Variants in CAMK2D observed in about 807,000 individuals in gnomAD.
CAMK2D encodes calcium/calmodulin-dependent protein kinase type II subunit delta.
CAMK2D carries 37 observed loss-of-function variants against 84.0 expected under a neutral mutation model. The observed-to-expected ratio is 0.44, with a 90% confidence interval of 0.34 to 0.58. CAMK2D has a LOEUF of 0.58. CAMK2D is among the 20% of genes least tolerant of loss of function. The pLI is 0.02. For missense variants in CAMK2D, 448 were observed against 652.5 expected (o/e 0.69, Z 3.41); for synonymous variants, 202 against 212.5 (o/e 0.95, Z 0.43).
intron 4 of CAMK2D, among the ~76,000 whole-genome samples, chr4:113,554,427 G>A (rs1409840344): frequency 6.6e-6 from 1 of 152,098 alleles, no homozygotes; most frequent in Non-Finnish European, 1.5e-5. Context: ...CATTCTGGTA[G>A]TTTTCAATAA....
At chr4:113,721,475 T>C (rs2148628570) in intron 2 of CAMK2D, among the ~76,000 whole-genome samples, 1 of 152,306 alleles carries the variant, frequency 6.6e-6, no homozygotes, top group Middle Eastern at 3.4e-3. Flanking sequence ...ATTGTGTCAC[T>C]AATACAATAT....
chr4:113,509,703 G>GTGAGT lies in CAMK2D; in HGVS notation c.947-33_947-29dup, dbSNP rs1590399777. ...GTAAAATGAGAGTAAAATCAGTTTA[G>GTGAGT]TGAGTTATCCATAGAAACCCACAGC... On this transcript the variant is annotated intron_variant, in intron 12 of 20. Coordinates refer to ENST00000511664, the MANE Select transcript of CAMK2D (RefSeq NM_001321571.2). 6 of 1,566,948 alleles carry GTGAGT rather than the reference G, an allele frequency of 3.8e-6. No individual in the cohort carries two copies. The East Asian group carries it at 1.3e-4, about 35-fold the overall frequency.
intron 15 of CAMK2D, among the ~76,000 whole-genome samples, chr4:113,502,703 T>A (rs1037466125): frequency 6.6e-6 from 1 of 152,178 alleles, no homozygotes; most frequent in Non-Finnish European, 1.5e-5. Context: ...CATTCATGTT[T>A]AGCCTGACTT....
chr4:113,537,713 G>A (rs1308191718), intron 6 of CAMK2D, among the ~76,000 whole-genome samples: 1 of 152,160 alleles, frequency 6.6e-6, no homozygotes, highest in African/African-American at 2.4e-5. Context: ...ATGAATGAGA[G>A]CACCTGTCTT....
At chr4:113,570,871 G>T (rs192555322) in intron 4 of CAMK2D, among the ~76,000 whole-genome samples, 1 of 152,148 alleles carries the variant, frequency 6.6e-6, no homozygotes, top group Admixed American at 6.5e-5. Context: ...CCTAGAGAAT[G>T]AGAGAATATA....
At chr4:113,489,805 T>G (rs1159921496) in intron 16 of CAMK2D, among the ~76,000 whole-genome samples, 1 of 121,508 alleles carries the variant, frequency 8.2e-6, no homozygotes, top group Non-Finnish European at 1.7e-5. Flanking sequence ...CAGCACCTGT[T>G]GTTTCCTGAC....
chr4:113,662,766 A>T (rs762298028), intron 2 of CAMK2D, among the ~76,000 whole-genome samples: 24 of 152,216 alleles, frequency 1.6e-4, no homozygotes, highest in Non-Finnish European at 3.1e-4. Context: ...ACACTTCTTT[A>T]AATAAAAGGA....
intron 2 of CAMK2D, among the ~76,000 whole-genome samples, chr4:113,698,795 T>C (rs2099410294): frequency 6.6e-6 from 1 of 152,096 alleles, no homozygotes; most frequent in Non-Finnish European, 1.5e-5. Flanking sequence ...TGATCCAATT[T>C]ACATAAATTA....
At chr4:113,530,973 A>T (rs776886669) in intron 8 of CAMK2D, among the ~76,000 whole-genome samples, 4 of 152,006 alleles carry the variant, frequency 2.6e-5, no homozygotes, top group African/African-American at 4.8e-5. Flanking sequence ...AATCCCAGCA[A>T]CTCAGGAGGC....
intron 2 of CAMK2D, among the ~76,000 whole-genome samples, chr4:113,719,748 T>A (rs1476419271): frequency 6.6e-6 from 1 of 152,276 alleles, no homozygotes; most frequent in East Asian, 1.9e-4. Flanking sequence ...ACCCTAAGTT[T>A]AGTCACATTT....
chr4:113,705,081 C>T (rs1048652201), intron 2 of CAMK2D, among the ~76,000 whole-genome samples: 5 of 151,604 alleles, frequency 3.3e-5, no homozygotes, highest in African/African-American at 1.2e-4. Flanking sequence ...GTGGCTCACG[C>T]CTGTAATCCC....
intron 16 of CAMK2D, among the ~76,000 whole-genome samples, chr4:113,496,316 C>T (rs563026130): frequency 2.6e-5 from 4 of 152,090 alleles, no homozygotes; most frequent in African/African-American, 9.6e-5. Flanking sequence ...CAATTTTTGG[C>T]CTAAAGAATT....
intron 16 of CAMK2D, among the ~76,000 whole-genome samples, chr4:113,499,985 A>C (rs1304954600): frequency 6.6e-6 from 1 of 151,820 alleles, no homozygotes; most frequent in Non-Finnish European, 1.5e-5. Flanking sequence ...AATGTACACA[A>C]AAAGCTAGGA....
rs983520612 is a variant in CAMK2D, at chr4:113,452,562, G to C, written c.*1983C>G. 8 of 152,684 alleles carry C rather than the reference G, an allele frequency of 5.2e-5. No individual in the cohort carries two copies. Among genetic ancestry groups the C allele is most frequent in the Admixed American group, 4.6e-4 (7 of 15,282 alleles). 9.5% of individuals were successfully genotyped at this position (152,684 alleles called of 1,614,324 possible). ...AAATGTGTAATTCATTTGTGGTGGA[G>C]AGAACAAATCACAATTTCCTCACAT... On this transcript the variant is annotated 3_prime_UTR_variant, in exon 21 of 21. Coordinates refer to ENST00000511664, the MANE Select transcript of CAMK2D (RefSeq NM_001321571.2).
chr4:113,543,700 C>A (rs2098546771), intron 6 of CAMK2D, among the ~76,000 whole-genome samples: 1 of 152,048 alleles, frequency 6.6e-6, no homozygotes, highest in African/African-American at 2.4e-5. Context: ...TTTAAACCAC[C>A]AATTCACAAA....
chr4:113,472,320 TATC>T (rs2097556832), intron 16 of CAMK2D, among the ~76,000 whole-genome samples: 1 of 152,204 alleles, frequency 6.6e-6, no homozygotes, highest in South Asian at 2.1e-4. Context: ...TGTAGACAAT[TATC>T]ATGTATGATA....
intron 4 of CAMK2D, among the ~76,000 whole-genome samples, chr4:113,604,849 C>G (rs566184383): frequency 3.5e-4 from 54 of 152,168 alleles, no homozygotes; most frequent in African/African-American, 1.3e-3. Flanking sequence ...ATAAGGAATA[C>G]AGAAGCTATA....
At chr4:113,516,059 A>G (rs2098280165) in intron 9 of CAMK2D, among the ~76,000 whole-genome samples, 1 of 152,192 alleles carries the variant, frequency 6.6e-6, no homozygotes, top group African/African-American at 2.4e-5. Flanking sequence ...TATTTTCCCA[A>G]TTCATGAATT....
chr4:113,546,127 A>G lies in CAMK2D; in HGVS notation c.414+1517T>C, dbSNP rs531325288. Among the ~76,000 whole-genome samples the G allele has an allele frequency of 2.0e-5, 3 of 152,326 alleles. No homozygotes were observed. In the South Asian group the frequency reaches 6.2e-4, roughly 32 times the overall value. The stretch of plus-strand genomic sequence containing the variant: ...TTTTAAAGTCCACTTATGGTTATAT[A>G]ACATGGAGTAAAATGTTTCAAATAA... On this transcript the variant is annotated intron_variant, in intron 6 of 20. Transcript: ENST00000511664.
Sources: gnomAD v4.1 joint callset for allele counts (sites outside exome capture counted in the v4.1 genomes callset) on GRCh38, gnomAD v4.1.1 for gene constraint, MANE v1.5 for transcripts, NCBI Gene and HGNC (gene_info 2026-07-23, HGNC 2026-07-21) for gene names.